The following CRLF2 variants were observed in gnomAD, a reference collection of about 807,000 sequenced individuals.
CRLF2 encodes the protein cytokine receptor-like factor 2.
Under a neutral mutation model 38.7 loss-of-function variants are expected in CRLF2, and 41 were observed. That is an observed-to-expected ratio of 1.06 (90% CI 0.83 to 1.37). The LOEUF (loss-of-function observed/expected upper bound fraction) is 1.37, where lower values mean the gene tolerates loss of function less well. Ranked by LOEUF, CRLF2 falls within the 40% of genes most tolerant of loss-of-function variation. The probability of loss-of-function intolerance (pLI) is 0.00; values close to 1 mark genes in which losing one functional copy is unlikely to be tolerated. For missense variants in CRLF2, 377 were observed against 322.2 expected (o/e 1.17, Z -1.30); for synonymous variants, 140 against 128.8 (o/e 1.09, Z -0.59).
At position 1,204,089 on chromosome X, in the gene CRLF2, C is replaced by CAAAAAAAAA. The variant is rs754202731; in HGVS notation, c.350-1555_350-1554insTTTTTTTTT. On this transcript the variant is annotated intron_variant, in intron 3 of 7. Coordinates refer to ENST00000400841, the MANE Select transcript of CRLF2 (RefSeq NM_022148.4). ...GGCAACAGAGCAAGACCCTCTCTCTCAAAAAAAAGAGAGAACATCCAGTGA... is the reference window on the plus strand; with the variant it reads ...GGCAACAGAGCAAGACCCTCTCTCTCAAAAAAAAAAAAAAAAAGAGAGAACATCCAGTGA... Among the ~76,000 whole-genome samples, 74 of 14,818 alleles carry CAAAAAAAAA rather than the reference C, an allele frequency of 5.0e-3. 10 individuals carry two copies. The highest frequency in any genetic ancestry group is 0.026 in the East Asian group (4 of 156). The allele number at this position is 14,818 out of a possible 152,430, so 9.7% of individuals were successfully genotyped here. A position where few individuals can be genotyped will look rare whatever the true frequency, so the allele number is the denominator to read the frequency against.
intron 2 of CRLF2, among the ~76,000 whole-genome samples, chrX:1,207,964 C>T (rs1428455110): frequency 1.3e-5 from 2 of 152,116 alleles, no homozygotes; most frequent in African/African-American, 4.8e-5. Context: ...CTGTTCTGTA[C>T]GCTTTGCCGT....
Position 1,208,914 on chromosome X carries a change from C to A in CRLF2, c.80-6G>T. 1 of 1,493,108 alleles carries A rather than the reference C, an allele frequency of 6.7e-7. No individual in the cohort carries two copies. Among genetic ancestry groups the A allele is most frequent in the Non-Finnish European group, 9.3e-7 (1 of 1,071,174 alleles). 92.5% of individuals were successfully genotyped at this position (1,493,108 alleles called of 1,614,324 possible). On this transcript the variant is annotated splice_polypyrimidine_tract_variant and splice_region_variant and intron_variant, in intron 1 of 7. Coordinates refer to ENST00000400841, the MANE Select transcript of CRLF2 (RefSeq NM_022148.4). ...CTGAATCTGTACTCCTTCTGCTAGACACAGAGAGACGCATGAAGTTCACGG... is the reference window on the plus strand; with the variant it reads ...CTGAATCTGTACTCCTTCTGCTAGAAACAGAGAGACGCATGAAGTTCACGG...
rs370445430 is a variant in CRLF2, at chrX:1,202,427, C to T, written c.458G>A (p.Arg153Gln). The part of the protein sequence containing the change: ...YGDLLYEVQY[R>Q]SPFDTEWQSK... ...CTGCCACTCGGTGTCGAAGGGGCTC[C>T]GGTACTGAACCTCATAGAGGAGATC... Residue 153 changes from arginine (R) to glutamine (Q), a missense_variant, in exon 4 of 8, where the codon CGG becomes CAG. Coordinates refer to ENST00000400841, the MANE Select transcript of CRLF2 (RefSeq NM_022148.4). The T allele has an allele frequency of 2.8e-5, 45 of 1,613,508 alleles. No homozygotes were observed. Among genetic ancestry groups the T allele is most frequent in the African/African-American group, 8.0e-5 (6 of 74,900 alleles).
chrX:1,196,720 A>G (rs2086482166), intron 6 of CRLF2, 60 bp downstream of exon 6: 1 of 1,580,864 alleles, frequency 6.3e-7, no homozygotes, highest in Non-Finnish European at 8.6e-7. Context: ...CTTTTTTCGT[A>G]CTTCACAGAC....
chrX:1,191,867 C>T (rs1460306466), intron 7 of CRLF2, among the ~76,000 whole-genome samples: 11 of 152,068 alleles, frequency 7.2e-5, no homozygotes, highest in East Asian at 3.9e-4. Flanking sequence ...AACAGACTGA[C>T]GGACTCTCCA....
intron 7 of CRLF2, among the ~76,000 whole-genome samples, chrX:1,192,214 A>C (rs1347780473): frequency 2.2e-5 from 3 of 137,622 alleles, no homozygotes; most frequent in Non-Finnish European, 3.2e-5. Flanking sequence ...CAAAAAAAAA[A>C]AAAAAACAAA....
chrX:1,210,103 C>CAAAA (rs1290430150), intron 1 of CRLF2, among the ~76,000 whole-genome samples: 2 of 37,202 alleles, frequency 5.4e-5, no homozygotes, highest in Non-Finnish European at 4.6e-5. Flanking sequence ...GACTCCCTAT[C>CAAAA]AAAAAAAAAA....
In CRLF2 at chrX:1,208,083, A is replaced by G. The variant is rs1428746711; in HGVS notation, c.182+723T>C. Among the ~76,000 whole-genome samples, 5 of 152,344 alleles carry G rather than the reference A, an allele frequency of 3.3e-5. No individual in the cohort carries two copies. The East Asian group carries it at 9.6e-4, about 29-fold the overall frequency. ...ATACTTCTGGGTGTCTAACTAAGCC[A>G]AAGTAAAAATAAAAATAAAGTCACA... On this transcript the variant is annotated intron_variant, in intron 2 of 7. Coordinates refer to ENST00000400841, the MANE Select transcript of CRLF2 (RefSeq NM_022148.4).
At chrX:1,193,652 G>A (rs2086431438) in intron 6 of CRLF2, among the ~76,000 whole-genome samples, 3 of 151,772 alleles carry the variant, frequency 2.0e-5, no homozygotes, top group Admixed American at 2.0e-4. Flanking sequence ...CGTGGTGGTG[G>A]GCACCTGTAG....
chrX:1,201,578 T>C lies in CRLF2; in HGVS notation c.483+824A>G, dbSNP rs189190156. Among the ~76,000 whole-genome samples, 10 of 150,382 alleles carry C rather than the reference T, an allele frequency of 6.6e-5. No individual in the cohort carries two copies. In the East Asian group the frequency reaches 9.9e-4, roughly 15 times the overall value. ...TGATGAGAGAGAGATAGATGATACA[T>C]AGATGATAGAGCAATGATAGAGAGA... On this transcript the variant is annotated intron_variant, in intron 4 of 7. Coordinates refer to ENST00000400841, the MANE Select transcript of CRLF2 (RefSeq NM_022148.4).
chrX:1,203,584 A>G (rs2086644775), intron 3 of CRLF2, among the ~76,000 whole-genome samples: 1 of 150,670 alleles, frequency 6.6e-6, no homozygotes, highest in African/African-American at 2.5e-5. Context: ...AGAAGAGGAG[A>G]CACAGAGGAG....
At position 1,193,218 on chromosome X, in the gene CRLF2, C is replaced by T. The variant is rs1359349948; in HGVS notation, c.852G>A (p.Gln284=). 1.0e-5 allele frequency: 4 copies of T among 398,384 alleles called. No homozygotes were observed. Among genetic ancestry groups the T allele is most frequent in the Non-Finnish European group, 1.8e-5 (4 of 226,138 alleles). 24.7% of individuals were successfully genotyped at this position (398,384 alleles called of 1,614,324 possible). The part of the protein sequence containing the change: ...GLFEIHQGNF[Q]EWITDTQNVA... Reference sequence around the variant, plus strand: ...AGAGACACAAGGAGAGGGCGGATACCTGGAAGTTCCCTTGGTGTATCTCAA... The same window carrying T: ...AGAGACACAAGGAGAGGGCGGATACTTGGAAGTTCCCTTGGTGTATCTCAA... Residue 284 remains glutamine (Q), a splice_region_variant and synonymous_variant, in exon 7 of 8, where the codon CAG becomes CAA. Coordinates refer to ENST00000400841, the MANE Select transcript of CRLF2 (RefSeq NM_022148.4).
intron 3 of CRLF2, among the ~76,000 whole-genome samples, chrX:1,203,712 G>T (rs1410800361): frequency 3.3e-5 from 5 of 152,182 alleles, no homozygotes; most frequent in African/African-American, 9.7e-5. Context: ...CCTCCAGAGG[G>T]AATGCGGCTC....
At chrX:1,203,095 CAAAAAA>C (rs782280523) in intron 3 of CRLF2, among the ~76,000 whole-genome samples, 2 of 66,942 alleles carry the variant, frequency 3.0e-5, no homozygotes, top group African/African-American at 6.5e-5. Context: ...GAGACTATCT[CAAAAAA>C]AAAAAAAAAA....
chrX:1,198,488 C>G lies in CRLF2; in HGVS notation c.646+74G>C, dbSNP rs754908135. ...GGCAGGACACCCTCCCTCCCACCTCCCGGGAAGGCAGTGGCTATGCCTACT... is the reference window on the plus strand; with the variant it reads ...GGCAGGACACCCTCCCTCCCACCTCGCGGGAAGGCAGTGGCTATGCCTACT... On this transcript the variant is annotated intron_variant, in intron 5 of 7. Transcript: ENST00000400841. The G allele has an allele frequency of 1.0e-5, 16 of 1,539,876 alleles. No homozygotes were observed. In the South Asian group the frequency reaches 1.7e-4, roughly 16 times the overall value.
chrX:1,197,722 G>C (rs1264036945), intron 5 of CRLF2, among the ~76,000 whole-genome samples: 2 of 151,932 alleles, frequency 1.3e-5, no homozygotes, highest in Non-Finnish European at 2.9e-5. Context: ...GCTGAGGCAG[G>C]AGAATCACTT....
At chrX:1,209,878 G>A (rs761550594) in intron 1 of CRLF2, among the ~76,000 whole-genome samples, 8 of 151,838 alleles carry the variant, frequency 5.3e-5, no homozygotes, top group African/African-American at 1.9e-4. Flanking sequence ...GAGGCGGGTG[G>A]ATCACCCGAG....
intron 2 of CRLF2, 48 bp downstream of exon 2, chrX:1,208,758 G>T (rs769237027): frequency 2.2e-5 from 25 of 1,123,750 alleles, no homozygotes; most frequent in Non-Finnish European, 5.5e-6. Flanking sequence ...TCAGAAGAGC[G>T]ATTTTGAGCC....
Position 1,206,600 on chromosome X carries a change from C to T in CRLF2, c.183-1G>A. ...GTCATAGGCCTCATCACCGTTGAATCTGTGGTTTAAAACGATGACCATTCA... is the reference window on the plus strand; with the variant it reads ...GTCATAGGCCTCATCACCGTTGAATTTGTGGTTTAAAACGATGACCATTCA... On this transcript the variant is annotated splice_acceptor_variant, in intron 2 of 7. Coordinates refer to ENST00000400841, the MANE Select transcript of CRLF2 (RefSeq NM_022148.4). LOFTEE classifies it high-confidence loss of function. 6.2e-7 allele frequency: 1 copy of T among 1,612,906 alleles called. No homozygotes were observed. The highest frequency in any genetic ancestry group is 8.5e-7 in the Non-Finnish European group (1 of 1,179,214).
Sources: gnomAD v4.1 joint callset for allele counts (sites outside exome capture counted in the v4.1 genomes callset) on GRCh38, gnomAD v4.1.1 for gene constraint, MANE v1.5 for transcripts, NCBI Gene and HGNC (gene_info 2026-07-23, HGNC 2026-07-21) for gene names.